The following ZNF280D variants were observed in gnomAD, a reference collection of about 807,000 sequenced individuals.
ZNF280D encodes suppressor of hairy wing homolog 4.
A neutral mutation model predicts 94.7 loss-of-function variants in ZNF280D; 39 were observed. The observed-to-expected ratio is 0.41, with a 90% CI of 0.32 to 0.54. The LOEUF (loss-of-function observed/expected upper bound fraction) is 0.54, where lower values mean the gene tolerates loss of function less well. ZNF280D is among the 20% of genes least tolerant of loss of function. The probability of loss-of-function intolerance (pLI) is 0.22; values close to 1 mark genes in which losing one functional copy is unlikely to be tolerated. For synonymous variants in ZNF280D, 398 were observed against 377.6 expected, an observed-to-expected ratio of 1.05 and a Z score of -0.63; for missense variants, 1,090 against 1,149.3, an observed-to-expected ratio of 0.95 and a Z score of 0.75.
chr15:56,662,564 G>A (rs1196905807), intron 16 of ZNF280D, among the ~76,000 whole-genome samples: 2 of 152,086 alleles, frequency 1.3e-5, no homozygotes, highest in Non-Finnish European at 2.9e-5. Context: ...GGTGGCTCAT[G>A]CCTGTAATCC....
Position 56,712,928 on chromosome 15 carries a change from T to C in ZNF280D, c.-85-5622A>G, listed in dbSNP as rs370718868. ...ACTAATTTTGTATTTTTGGTAGAGA[T>C]GGGGTTTCACCATGTTGGCCAGGCT... On this transcript the variant is annotated intron_variant, in intron 1 of 21. Coordinates refer to ENST00000267807, the MANE Select transcript of ZNF280D (RefSeq NM_017661.4). Among the ~76,000 whole-genome samples the C allele has an allele frequency of 4.6e-5, 7 of 151,962 alleles. No homozygotes were observed. The South Asian group carries it at 1.5e-3, about 32-fold the overall frequency.
chr15:56,718,494 G>C (rs1323228224), intron 1 of ZNF280D, among the ~76,000 whole-genome samples: 1 of 152,126 alleles, frequency 6.6e-6, no homozygotes, highest in East Asian at 1.9e-4. Context: ...TTTTGTAAAT[G>C]CAAAATTCTT....
chr15:56,702,442 C>T (rs2057134370), intron 4 of ZNF280D, among the ~76,000 whole-genome samples: 2 of 152,046 alleles, frequency 1.3e-5, no homozygotes, highest in Non-Finnish European at 2.9e-5. Flanking sequence ...AAATTATTCA[C>T]CTTAACACTG....
Position 56,658,488 on chromosome 15 carries a change from TG to T in ZNF280D, c.1995-3del. On this transcript the variant is annotated splice_region_variant and splice_polypyrimidine_tract_variant and intron_variant, in intron 16 of 21. Coordinates refer to ENST00000267807, the MANE Select transcript of ZNF280D (RefSeq NM_017661.4). ...TTGCTTGGACGGTTACTATGAAAGC[TG>T]GAGAAACAAAAGAGATAGTAAAAAT... The T allele has an allele frequency of 6.4e-7, 1 of 1,559,854 alleles. No individual in the cohort carries two copies. Among genetic ancestry groups the T allele is most frequent in the Non-Finnish European group, 8.6e-7 (1 of 1,159,852 alleles).
chr15:56,698,280 G>A (rs2056865811), intron 6 of ZNF280D: 2 of 152,038 alleles, frequency 1.3e-5, no homozygotes, highest in Non-Finnish European at 2.9e-5. Context: ...CTTCCAAATG[G>A]TGACATAGTT....
chr15:56,642,810 T>A, intron 20 of ZNF280D, 142 bp downstream of exon 20: 1 of 484,370 alleles, frequency 2.1e-6, no homozygotes, highest in Non-Finnish European at 3.6e-6. Flanking sequence ...TGAAAAATTT[T>A]AAATCTCGAT....
intron 1 of ZNF280D, among the ~76,000 whole-genome samples, chr15:56,713,377 T>C (rs1435974612): frequency 2.0e-5 from 3 of 151,986 alleles, no homozygotes; most frequent in African/African-American, 7.3e-5. Context: ...TTAAAACGAG[T>C]TTTTCAGTGG....
chr15:56,670,659 CAT>C (rs2054799395), intron 13 of ZNF280D, among the ~76,000 whole-genome samples: 1 of 151,988 alleles, frequency 6.6e-6, no homozygotes, highest in East Asian at 1.9e-4. Flanking sequence ...CATATGTGTG[CAT>C]ATGTCTTAAC....
At chr15:56,703,945 T>A (rs2057244705) in intron 4 of ZNF280D, among the ~76,000 whole-genome samples, 176 bp downstream of exon 4, 1 of 152,252 alleles carries the variant, frequency 6.6e-6, no homozygotes, top group African/African-American at 2.4e-5. Context: ...CTAATCTCAG[T>A]CCATTTCTCT....
chr15:56,638,479 G>A (rs1209713261), intron 20 of ZNF280D, among the ~76,000 whole-genome samples: 1 of 152,088 alleles, frequency 6.6e-6, no homozygotes, highest in African/African-American at 2.4e-5. Context: ...TATTGGAAAA[G>A]ATTATTGAAG....
At chr15:56,705,076 AGT>A (rs1488960556) in intron 3 of ZNF280D, among the ~76,000 whole-genome samples, 1 of 152,146 alleles carries the variant, frequency 6.6e-6, no homozygotes, top group Non-Finnish European at 1.5e-5. Flanking sequence ...TTAAAGGCAA[AGT>A]AGATATTTCT....
rs1467532542 is a variant in ZNF280D at position 56,707,266 on chromosome 15, G to T, written c.-45C>A. 1 of 1,543,772 alleles carries T rather than the reference G, an allele frequency of 6.5e-7. No homozygotes were observed. On this transcript the variant is annotated 5_prime_UTR_variant, in exon 2 of 22. Transcript: ENST00000267807. ...TAAGGTTAACCTCTAAACTCACCAT[G>T]TGACTCCAGACAAGCCAGCAAGTTA...
chr15:56,729,042 T>C lies in ZNF280D; in HGVS notation c.-86+4416A>G, dbSNP rs577165158. 2.0e-5 allele frequency among the ~76,000 whole-genome samples: 3 copies of C among 152,260 alleles called. No homozygotes were observed. In the South Asian group the frequency reaches 6.2e-4, roughly 32 times the overall value. On this transcript the variant is annotated intron_variant, in intron 1 of 21. Transcript: ENST00000267807. ...CCTATCGTAATTCAAGGAGCATCTA[T>C]AGTTAATTCCATTCAGATGATGTTG...
intron 14 of ZNF280D, among the ~76,000 whole-genome samples, chr15:56,667,597 C>T (rs2054382240): frequency 6.6e-6 from 1 of 152,136 alleles, no homozygotes; most frequent in South Asian, 2.1e-4. Context: ...TTAATTTCAT[C>T]TGTTGGTTGA....
chr15:56,683,579 A>G (rs550999184), intron 9 of ZNF280D, among the ~76,000 whole-genome samples: 89 of 152,336 alleles, frequency 5.8e-4, no homozygotes, highest in African/African-American at 2.0e-3. Flanking sequence ...AATATCAGGC[A>G]CCATCTATCT....
rs1299589646 is a variant in ZNF280D at position 56,666,884 on chromosome 15, T to C, written c.1648A>G (p.Lys550Glu). 5 of 1,613,834 alleles carry C rather than the reference T, an allele frequency of 3.1e-6. No individual in the cohort carries two copies. Among genetic ancestry groups the C allele is most frequent in the South Asian group, 1.1e-5 (1 of 91,086 alleles). ...STLQLSPPRT[K>E]NITAKNPAKS... is the part of the protein sequence containing the mutation. ...GCAGGATTTTTAGCAGTTATATTTTTAGTCCTTGGAGGTGAGAGCTGAAGG... is the reference window on the plus strand; with the variant it reads ...GCAGGATTTTTAGCAGTTATATTTTCAGTCCTTGGAGGTGAGAGCTGAAGG... The change falls in exon 15 of 22, where the codon AAA (lysine) becomes GAA (glutamate). Residue 550 changes from lysine to glutamate, a missense_variant. This residue lies in a region of ZNF280D where 577 missense variants were observed against 568.8 expected (regional missense o/e 1.01). Coordinates refer to ENST00000267807, the MANE Select transcript of ZNF280D (RefSeq NM_017661.4).
intron 1 of ZNF280D, among the ~76,000 whole-genome samples, chr15:56,723,235 A>AT (rs1555429034): frequency 6.6e-6 from 1 of 150,692 alleles, no homozygotes; most frequent in South Asian, 2.1e-4. Flanking sequence ...TAATAATAAA[A>AT]AAATAAATAA....
chr15:56,695,224 C>T lies in ZNF280D; in HGVS notation c.382-2009G>A, dbSNP rs536393326. On this transcript the variant is annotated intron_variant, in intron 6 of 21. Transcript: ENST00000267807. Reference sequence around the variant, plus strand: ...AGTAGCTGGGACTACAGGCTCATGCCACCACACCCAGGTAATTTTCATATT... The same window carrying T: ...AGTAGCTGGGACTACAGGCTCATGCTACCACACCCAGGTAATTTTCATATT... 2.0e-5 allele frequency among the ~76,000 whole-genome samples: 3 copies of T among 151,972 alleles called. No individual in the cohort carries two copies. In the East Asian group the frequency reaches 5.8e-4, roughly 29 times the overall value.
intron 17 of ZNF280D, 103 bp from the exon 18 acceptor site, chr15:56,654,606 C>A: frequency 1.0e-6 from 1 of 973,510 alleles, no homozygotes; most frequent in Non-Finnish European, 1.5e-6. Context: ...CCATACATAA[C>A]TATAACTTCC....
Sources: gnomAD v4.1 joint callset for allele counts (sites outside exome capture counted in the v4.1 genomes callset) on GRCh38, gnomAD v4.1.1 for gene constraint, gnomAD v4.1.1 regional missense constraint, MANE v1.5 for transcripts, NCBI Gene and HGNC (gene_info 2026-07-23, HGNC 2026-07-21) for gene names.